The following UNC13A variants were observed in gnomAD, a reference collection of about 807,000 sequenced individuals.
The protein encoded by UNC13A is protein unc-13 homolog A.
Under a neutral mutation model 219.7 loss-of-function variants are expected in UNC13A, and 61 were observed. That is an observed-to-expected ratio of 0.28 (90% CI 0.23 to 0.34). The LOEUF (loss-of-function observed/expected upper bound fraction) is 0.34. Ranked by LOEUF, UNC13A falls within the 10% of genes least tolerant of loss-of-function variation. The probability of loss-of-function intolerance (pLI) is 1.00; values close to 1 mark genes in which losing one functional copy is unlikely to be tolerated. For missense variants in UNC13A, 1,476 were observed against 2,270.3 expected, an observed-to-expected ratio of 0.65 and a Z score of 7.11; for synonymous variants, 920 against 884.6, an observed-to-expected ratio of 1.04 and a Z score of -0.71.
Position 17,642,059 on chromosome 19 carries a change from C to T in UNC13A, c.2473-503G>A, listed in dbSNP as rs142241733. Among the ~76,000 whole-genome samples the T allele has an allele frequency of 4.3e-3, 325 of 74,810 alleles. 2 individuals carry two copies. The highest frequency in any genetic ancestry group is 0.043 in the Middle Eastern group (6 of 140). 49.1% of individuals were successfully genotyped at this position (74,810 alleles called of 152,430 possible). Reference sequence around the variant, plus strand: ...ATCCATCCATCCATCCATCCATCTACCTATCTACCCATCTGACTATCAACA... The same window carrying T: ...ATCCATCCATCCATCCATCCATCTATCTATCTACCCATCTGACTATCAACA... On this transcript the variant is annotated intron_variant, in intron 20 of 43. Coordinates refer to ENST00000519716, the MANE Select transcript of UNC13A (RefSeq NM_001080421.3).
At chr19:17,662,071 A>G (rs7245794) in intron 8 of UNC13A, among the ~76,000 whole-genome samples, 137,553 of 152,000 alleles carry the variant, frequency 0.9, 63,076 homozygotes, top group African/African-American at 0.98. Context: ...GTGAAACCCC[A>G]TCTCTACTAA....
At chr19:17,687,202 C>T (rs1419604095) in intron 1 of UNC13A, among the ~76,000 whole-genome samples, 1 of 152,146 alleles carries the variant, frequency 6.6e-6, no homozygotes, top group Non-Finnish European at 1.5e-5. Flanking sequence ...GGTGGGGGGT[C>T]ATGCCCCTCC....
Position 17,606,114 on chromosome 19 carries a change from G to A in UNC13A, c.5052C>T (p.Phe1684=). The change falls in exon 44 of 44, where the codon TTC becomes TTT. Residue 1684 remains phenylalanine, a synonymous_variant. Transcript: ENST00000519716. ...QRSNDEVAKE[F]VKLKSDTRSA... is the part of the protein sequence containing the mutation. ...AGCGCGTGTCCGACTTGAGCTTCACGAACTCCTTGGCCACCTCGTCGTTGC... is the reference window on the plus strand; with the variant it reads ...AGCGCGTGTCCGACTTGAGCTTCACAAACTCCTTGGCCACCTCGTCGTTGC... The A allele has an allele frequency of 1.9e-6, 3 of 1,595,994 alleles. No individual in the cohort carries two copies. The highest frequency in any genetic ancestry group is 2.8e-5 in the African/African-American group (2 of 72,692).
At position 17,649,124 on chromosome 19, in the gene UNC13A, C is replaced by G; in HGVS notation, c.1525-141G>C. ...TTGGAAACAGGTCACCGACAGCATC[C>G]GGGCCAGACCCAACAAAGAATTAGG... On this transcript the variant is annotated intron_variant, in intron 14 of 43. Coordinates refer to ENST00000519716, the MANE Select transcript of UNC13A (RefSeq NM_001080421.3). This position sits in a 1 kb window ranked among gnomAD's most constrained non-coding sequence, Gnocchi z 4.4. The G allele has an allele frequency of 8.5e-7, 1 of 1,179,564 alleles. No homozygotes were observed. The highest frequency in any genetic ancestry group is 1.2e-6 in the Non-Finnish European group (1 of 834,832). 73.1% of individuals were successfully genotyped at this position (1,179,564 alleles called of 1,614,324 possible).
chr19:17,627,731 G>T lies in UNC13A; in HGVS notation c.3831+132C>A, dbSNP rs2076798668. 5 of 1,269,584 alleles carry T rather than the reference G, an allele frequency of 3.9e-6. No individual in the cohort carries two copies. Among genetic ancestry groups the T allele is most frequent in the Non-Finnish European group, 5.5e-6 (5 of 903,238 alleles). 78.6% of individuals were successfully genotyped at this position (1,269,584 alleles called of 1,614,324 possible). On this transcript the variant is annotated intron_variant, in intron 32 of 43. Transcript: ENST00000519716. The surrounding 1 kb of genome is among the most constrained non-coding windows in gnomAD (Gnocchi z 4.7). ...TGAGGCACAGACCGTTATGCTGCAA[G>T]CCTGGGTTTAAGGCCATGGTTGAGC...
At chr19:17,631,282 G>A (rs750311400) in intron 28 of UNC13A, among the ~76,000 whole-genome samples, 1 of 143,928 alleles carries the variant, frequency 6.9e-6, no homozygotes, top group Non-Finnish European at 1.5e-5. Context: ...GTGCAGTGGT[G>A]CGATCACAGC....
At chr19:17,679,071 C>A (rs1230729217) in intron 1 of UNC13A, among the ~76,000 whole-genome samples, 1 of 151,948 alleles carries the variant, frequency 6.6e-6, no homozygotes, top group Non-Finnish European at 1.5e-5. Flanking sequence ...CCAGCCTGGG[C>A]AATGTAGTAA....
At chr19:17,671,898 C>T (rs180802908) in intron 4 of UNC13A, among the ~76,000 whole-genome samples, 89 of 152,346 alleles carry the variant, frequency 5.8e-4, no homozygotes, top group African/African-American at 1.8e-3. Flanking sequence ...CTGCTGCTGC[C>T]CATCTGGGAC....
intron 41 of UNC13A, among the ~76,000 whole-genome samples, chr19:17,612,611 G>A (rs999236224): frequency 2.0e-5 from 3 of 152,056 alleles, no homozygotes; most frequent in Admixed American, 1.3e-4. Context: ...ATTTTGGGAG[G>A]GTGAGGCAAA....
At chr19:17,665,019 G>A (rs1415025823) in intron 7 of UNC13A, among the ~76,000 whole-genome samples, 1 of 152,122 alleles carries the variant, frequency 6.6e-6, no homozygotes, top group Admixed American at 6.6e-5. Context: ...GGCCAACATG[G>A]CAAAACCCCA....
At chr19:17,673,519 C>A (rs2079834674) in intron 3 of UNC13A, among the ~76,000 whole-genome samples, 1 of 148,960 alleles carries the variant, frequency 6.7e-6, no homozygotes, top group East Asian at 2.0e-4. Context: ...ATGGTGAAAC[C>A]CGGTCTTTAC....
At chr19:17,643,264 A>C (rs1268478397) in intron 19 of UNC13A, among the ~76,000 whole-genome samples, 1 of 148,002 alleles carries the variant, frequency 6.8e-6, no homozygotes, top group Non-Finnish European at 1.5e-5. Context: ...CACCTACCTC[A>C]GCCTCCCAAA....
intron 8 of UNC13A, 41 bp from the exon 9 acceptor site, chr19:17,658,310 A>T: frequency 1.3e-6 from 2 of 1,570,542 alleles, no homozygotes; most frequent in Non-Finnish European, 1.7e-6. Context: ...TGAGGAAGAG[A>T]GAGTGCACAT....
chr19:17,614,814 A>T (rs1444257488), intron 41 of UNC13A, among the ~76,000 whole-genome samples: 2 of 151,814 alleles, frequency 1.3e-5, no homozygotes, highest in African/African-American at 2.4e-5. Flanking sequence ...CACCAGTCAC[A>T]TGCTCAGCCG....
intron 5 of UNC13A, among the ~76,000 whole-genome samples, chr19:17,668,903 C>T: frequency 6.6e-6 from 1 of 152,198 alleles, no homozygotes; most frequent in East Asian, 1.9e-4. Flanking sequence ...TTGAGCCATC[C>T]TCTTGCCTCA....
At chr19:17,653,347 T>A (rs925483471) in intron 11 of UNC13A, among the ~76,000 whole-genome samples, 2 of 151,278 alleles carry the variant, frequency 1.3e-5, no homozygotes, top group Non-Finnish European at 2.9e-5. Context: ...TATATATATT[T>A]TGTTTGTTTG....
intron 17 of UNC13A, 130 bp from the exon 18 acceptor site, chr19:17,646,241 C>T (rs1295769178): frequency 1.6e-5 from 21 of 1,273,170 alleles, no homozygotes; most frequent in East Asian, 5.0e-5. Context: ...TGGCAGGGCA[C>T]GCTGGGCTTG....
intron 10 of UNC13A, among the ~76,000 whole-genome samples, 164 bp from the exon 11 acceptor site, chr19:17,655,546 A>T (rs1599384467): frequency 6.6e-6 from 1 of 151,176 alleles, no homozygotes; most frequent in Non-Finnish European, 1.5e-5. Flanking sequence ...AGTGCCCCTC[A>T]CCCCTTCCCA....
intron 41 of UNC13A, chr19:17,616,377 C>T (rs972187963): frequency 1.1e-5 from 7 of 632,902 alleles, no homozygotes; most frequent in African/African-American, 1.1e-4. Context: ...GCACCAGGCG[C>T]GGGCGGCGGG....
Sources: allele counts gnomAD v4.1 joint callset (sites outside exome capture counted in the v4.1 genomes callset), GRCh38; gene constraint gnomAD v4.1.1; non-coding constraint Gnocchi (gnomAD v3.1); transcripts MANE v1.5; gene names NCBI Gene and HGNC (gene_info 2026-07-23, HGNC 2026-07-21).